The following TBC1D32 variants were observed in gnomAD, a reference collection of about 807,000 sequenced individuals.
TBC1D32 encodes TBC1 domain family member 32.
A neutral mutation model predicts 170.3 loss-of-function variants in TBC1D32; 151 were observed. That is an observed-to-expected ratio of 0.89 (90% CI 0.78 to 1.01). The LOEUF (loss-of-function observed/expected upper bound fraction) is 1.01, where lower values mean the gene tolerates loss of function less well. Ranked by LOEUF, TBC1D32 falls within the 50% of genes least tolerant of loss-of-function variation. The pLI is 0.00. For missense variants in TBC1D32, 1,464 were observed against 1,457.1 expected (o/e 1.00, Z -0.08); for synonymous variants, 498 against 488.0 (o/e 1.02, Z -0.27).
chr6:121,303,593 TA>T, intron 9 of TBC1D32, 23 bp downstream of exon 9: 1 of 1,513,212 alleles, frequency 6.6e-7, no homozygotes, highest in South Asian at 1.3e-5. Context: ...CTAAAAGGTA[TA>T]AAAATATTCT....
intron 19 of TBC1D32, among the ~76,000 whole-genome samples, chr6:121,239,392 C>G (rs995434035): frequency 6.6e-6 from 1 of 152,036 alleles, no homozygotes; most frequent in Non-Finnish European, 1.5e-5. Context: ...TATCATAAAA[C>G]TCTGTAATAA....
intron 22 of TBC1D32, among the ~76,000 whole-genome samples, chr6:121,184,748 G>T (rs1303776494): frequency 1.3e-5 from 2 of 151,370 alleles, no homozygotes; most frequent in Non-Finnish European, 2.9e-5. Flanking sequence ...TAGGATTTTG[G>T]AGTGAATCTA....
rs896484810 is a variant in TBC1D32, at chr6:121,275,422, T to C, written c.1733+3699A>G. Among the ~76,000 whole-genome samples, 3 of 152,284 alleles carry C rather than the reference T, an allele frequency of 2.0e-5. No individual in the cohort carries two copies. The East Asian group carries it at 5.8e-4, about 29-fold the overall frequency. ...TCAAGTTTTAAATGGACAAATGATA[T>C]GGAAAGGAACATTACTATCAAGGAA... On this transcript the variant is annotated intron_variant, in intron 15 of 31. Coordinates refer to ENST00000398212, the MANE Select transcript of TBC1D32 (RefSeq NM_152730.6).
At position 121,283,768 on chromosome 6, in the gene TBC1D32, A is replaced by G. The variant is rs758592989; in HGVS notation, c.1465+50T>C. The G allele has an allele frequency of 1.1e-5, 15 of 1,374,922 alleles. No homozygotes were observed. The South Asian group carries it at 1.7e-4, about 16-fold the overall frequency. 85.2% of individuals were successfully genotyped at this position (1,374,922 alleles called of 1,614,324 possible). A position where few individuals can be genotyped will look rare whatever the true frequency, so the allele number is the denominator to read the frequency against. On this transcript the variant is annotated intron_variant, in intron 13 of 31. Coordinates refer to ENST00000398212, the MANE Select transcript of TBC1D32 (RefSeq NM_152730.6). Reference sequence around the variant, plus strand: ...AACATCTAGACAATAGAATACTTAAATATTTTTAGATGTTTTATATTTCTC... The same window carrying G: ...AACATCTAGACAATAGAATACTTAAGTATTTTTAGATGTTTTATATTTCTC...
At position 121,303,706 on chromosome 6, in the gene TBC1D32, G is replaced by C. The variant is rs756920472; in HGVS notation, c.991C>G (p.Gln331Glu). The C allele has an allele frequency of 6.3e-7, 1 of 1,595,464 alleles. No homozygotes were observed. Among genetic ancestry groups the C allele is most frequent in the South Asian group, 1.1e-5 (1 of 88,132 alleles). The change falls in exon 9 of 32, where the codon CAA (glutamine) becomes GAA (glutamate). Residue 331 changes from glutamine to glutamate, a missense_variant. By Grantham distance (29) the Gln-to-Glu change is conservative. Around this residue, in one of 3 missense-constraint regions of TBC1D32, gnomAD observed 1,363 missense variants for 1,338.1 expected, o/e 1.02. Transcript: ENST00000398212. ...ATCTTTTGTGAGACAACATGGCTTT[G>C]ATTATGTTTAACTGTTAACAAGGAC... ...TLSLLTVKHN[Q>E]SHVVSQKILD... is the part of the protein sequence containing the mutation.
chr6:121,194,841 T>C (rs1790519869), intron 22 of TBC1D32, among the ~76,000 whole-genome samples: 1 of 152,198 alleles, frequency 6.6e-6, no homozygotes. Flanking sequence ...CTGAGGACAT[T>C]ATGCCTATTG....
intron 24 of TBC1D32, among the ~76,000 whole-genome samples, chr6:121,135,272 C>T (rs1437883770): frequency 6.6e-6 from 1 of 151,912 alleles, no homozygotes; most frequent in Non-Finnish European, 1.5e-5. Flanking sequence ...ACATAGAATT[C>T]CATATTTCCC....
At chr6:121,276,238 A>G (rs1231842972) in intron 15 of TBC1D32, among the ~76,000 whole-genome samples, 1 of 152,160 alleles carries the variant, frequency 6.6e-6, no homozygotes. Context: ...TAAATGAGTA[A>G]CAGAAACGAT....
chr6:121,134,240 C>T (rs1303344940), intron 24 of TBC1D32, among the ~76,000 whole-genome samples: 2 of 152,126 alleles, frequency 1.3e-5, no homozygotes, highest in African/African-American at 4.8e-5. Flanking sequence ...TTACCTCCTT[C>T]AAACAAAGGA....
chr6:121,198,534 G>A (rs1562872894), intron 22 of TBC1D32, among the ~76,000 whole-genome samples: 2 of 150,646 alleles, frequency 1.3e-5, no homozygotes, highest in Non-Finnish European at 2.9e-5. Context: ...GATGGATCAC[G>A]AGCTCAGGAG....
intron 22 of TBC1D32, among the ~76,000 whole-genome samples, chr6:121,175,270 G>T (rs1185283918): frequency 1.3e-5 from 2 of 152,146 alleles, no homozygotes; most frequent in African/African-American, 4.8e-5. Context: ...GTTAAGATTT[G>T]AAAAGAGAGG....
At position 121,310,822 on chromosome 6, in the gene TBC1D32, A is replaced by G. The variant is rs755702957; in HGVS notation, c.521T>C (p.Leu174Ser). The G allele has an allele frequency of 8.2e-6, 13 of 1,586,770 alleles. No homozygotes were observed. The South Asian group carries it at 1.5e-4, about 18-fold the overall frequency. Residue 174 changes from leucine to serine, a missense_variant, in exon 4 of 32, where the codon TTA (leucine) becomes TCA (serine). By Grantham distance (145) the Leu-to-Ser change is moderately radical. Around this residue, in one of 3 missense-constraint regions of TBC1D32, gnomAD observed 1,363 missense variants for 1,338.1 expected, o/e 1.02. Coordinates refer to ENST00000398212, the MANE Select transcript of TBC1D32 (RefSeq NM_152730.6). ...NQSYKFCQGK[L>S]QLILDQLDPG... ...ATCCAACTGGTCTAAAATCAATTGTAATTTTCCTTGACAAAATTTGTAACT... is the reference window on the plus strand; with the variant it reads ...ATCCAACTGGTCTAAAATCAATTGTGATTTTCCTTGACAAAATTTGTAACT...
intron 15 of TBC1D32, among the ~76,000 whole-genome samples, chr6:121,271,562 T>G (rs1801434847): frequency 6.6e-6 from 1 of 152,122 alleles, no homozygotes; most frequent in Non-Finnish European, 1.5e-5. Context: ...ACAAGGGATG[T>G]GAAGGATCTC....
At chr6:121,269,106 A>G (rs1266546494) in intron 15 of TBC1D32, among the ~76,000 whole-genome samples, 1 of 152,194 alleles carries the variant, frequency 6.6e-6, no homozygotes, top group Non-Finnish European at 1.5e-5. Flanking sequence ...AGAGCTGCTG[A>G]AGGAAGCACT....
In TBC1D32 at chr6:121,111,593, T is replaced by C. The variant is rs532748341; in HGVS notation, c.3324+912A>G. Among the ~76,000 whole-genome samples the C allele has an allele frequency of 1.3e-3, 191 of 152,284 alleles. 1 individual carries two copies. The highest frequency in any genetic ancestry group is 2.0e-3 in the Non-Finnish European group (135 of 68,006). ...GCTTTTTTTGCCATTAGTTTCTCTGTGTTCATGGGAGGAAAATTTCTCATT... is the reference window on the plus strand; with the variant it reads ...GCTTTTTTTGCCATTAGTTTCTCTGCGTTCATGGGAGGAAAATTTCTCATT... On this transcript the variant is annotated intron_variant, in intron 29 of 31. Transcript: ENST00000398212.
intron 18 of TBC1D32, 56 bp from the exon 19 acceptor site, chr6:121,241,608 T>A: frequency 1.5e-6 from 2 of 1,357,560 alleles, no homozygotes; most frequent in Non-Finnish European, 2.1e-6. Context: ...GCATGCTAAC[T>A]AGACATTCCT....
chr6:121,171,121 A>G (rs1583059633), intron 22 of TBC1D32, among the ~76,000 whole-genome samples: 1 of 151,942 alleles, frequency 6.6e-6, no homozygotes, highest in Admixed American at 6.6e-5. Flanking sequence ...CTGAACCTCA[A>G]TCTAATCAAT....
intron 22 of TBC1D32, among the ~76,000 whole-genome samples, chr6:121,190,017 T>C (rs2128284511): frequency 6.7e-6 from 1 of 149,982 alleles, no homozygotes; most frequent in East Asian, 2.0e-4. Context: ...TGCAAAGAGG[T>C]AGATTTTAAA....
At chr6:121,173,141 A>T (rs1186905511) in intron 22 of TBC1D32, among the ~76,000 whole-genome samples, 1 of 152,310 alleles carries the variant, frequency 6.6e-6, no homozygotes, top group Non-Finnish European at 1.5e-5. Flanking sequence ...CAATCTAATC[A>T]GCTACCAGCG....
Sources: allele counts gnomAD v4.1 joint callset (sites outside exome capture counted in the v4.1 genomes callset), GRCh38; gene constraint gnomAD v4.1.1; regional missense constraint gnomAD v4.1.1; transcripts MANE v1.5; gene names NCBI Gene and HGNC (gene_info 2026-07-23, HGNC 2026-07-21).